RALGAPA1: variants seen among roughly 807,000 people sequenced by gnomAD.
The protein encoded by RALGAPA1 is Ral GTPase activating protein catalytic subunit alpha 1.
In RALGAPA1, 52 loss-of-function variants were observed where a neutral mutation model predicts 269.6. The observed-to-expected ratio is 0.19, with a 90% CI of 0.15 to 0.24. The LOEUF (loss-of-function observed/expected upper bound fraction) is 0.24. Among genes scored for constraint, RALGAPA1 ranks in the 10% least tolerant of loss-of-function variants. RALGAPA1 has a pLI of 1.00. For missense variants in RALGAPA1, 1,917 were observed against 3,013.9 expected, an observed-to-expected ratio of 0.64 and a Z score of 8.52; for synonymous variants, 817 against 1,008.3, an observed-to-expected ratio of 0.81 and a Z score of 3.60.
intron 12 of RALGAPA1, among the ~76,000 whole-genome samples, chr14:35,731,275 C>CA (rs1272204025): frequency 1.2e-4 from 19 of 152,108 alleles, no homozygotes; most frequent in African/African-American, 4.3e-4. Context: ...AGAGCCTACC[C>CA]AAATGAGAAG....
At chr14:35,717,241 C>T (rs1054676081) in intron 16 of RALGAPA1, among the ~76,000 whole-genome samples, 2 of 152,132 alleles carry the variant, frequency 1.3e-5, no homozygotes, top group Non-Finnish European at 2.9e-5. Flanking sequence ...ACCTCTGCCT[C>T]CCGGGTTCAA....
chr14:35,645,340 G>A (rs1034010981), intron 31 of RALGAPA1, among the ~76,000 whole-genome samples: 2 of 121,746 alleles, frequency 1.6e-5, no homozygotes, highest in Admixed American at 1.7e-4. Flanking sequence ...AGCAGATATA[G>A]AGATGGGTGT....
chr14:35,643,106 C>T (rs2062138070), intron 31 of RALGAPA1, among the ~76,000 whole-genome samples: 1 of 151,524 alleles, frequency 6.6e-6, no homozygotes, highest in African/African-American at 2.4e-5. Flanking sequence ...ACCGCAAGTT[C>T]TCATTCATAG....
At chr14:35,687,033 C>T (rs2065998767) in intron 18 of RALGAPA1, among the ~76,000 whole-genome samples, 1 of 152,098 alleles carries the variant, frequency 6.6e-6, no homozygotes, top group Non-Finnish European at 1.5e-5. Context: ...CCCCAAAGAA[C>T]GTTTGCAGGG....
At chr14:35,560,874 TG>T (rs2056146959) in intron 39 of RALGAPA1, among the ~76,000 whole-genome samples, 1 of 152,200 alleles carries the variant, frequency 6.6e-6, no homozygotes, top group Non-Finnish European at 1.5e-5. Context: ...TATTGCTTTT[TG>T]AAAGGACAAG....
intron 31 of RALGAPA1, among the ~76,000 whole-genome samples, chr14:35,649,892 G>T (rs1566920197): frequency 6.6e-6 from 1 of 152,080 alleles, no homozygotes; most frequent in Non-Finnish European, 1.5e-5. Context: ...ATAAATAAAT[G>T]TTTAATAAAT....
chr14:35,752,885 T>C (rs985207132), intron 7 of RALGAPA1, among the ~76,000 whole-genome samples: 1 of 152,192 alleles, frequency 6.6e-6, no homozygotes, highest in African/African-American at 2.4e-5. Context: ...GCCACATTTC[T>C]CATTGACAGG....
At chr14:35,569,249 A>T (rs374092693) in intron 39 of RALGAPA1, among the ~76,000 whole-genome samples, 1 of 152,330 alleles carries the variant, frequency 6.6e-6, no homozygotes, top group Non-Finnish European at 1.5e-5. Flanking sequence ...AGATATTTTT[A>T]AAAACTTTCC....
intron 26 of RALGAPA1, among the ~76,000 whole-genome samples, chr14:35,668,254 G>A (rs2064115447): frequency 6.6e-6 from 1 of 152,166 alleles, no homozygotes; most frequent in African/African-American, 2.4e-5. Context: ...AGGCTGAGGT[G>A]GGCAGATCAC....
chr14:35,777,943 A>G (rs2075158008), intron 1 of RALGAPA1, among the ~76,000 whole-genome samples: 1 of 152,250 alleles, frequency 6.6e-6, no homozygotes, highest in African/African-American at 2.4e-5. Context: ...AAAGGTAAAC[A>G]TCAATTAATT....
chr14:35,797,351 C>CAAAAA (rs530576211), intron 1 of RALGAPA1, among the ~76,000 whole-genome samples: 1 of 60,134 alleles, frequency 1.7e-5, no homozygotes, highest in Admixed American at 1.9e-4. Context: ...GACTCCGTCT[C>CAAAAA]AAAAAAAAAA....
chr14:35,689,201 T>A lies in RALGAPA1; in HGVS notation c.3210A>T (p.Glu1070Asp). Residue 1070 changes from glutamate (E) to aspartate (D), a missense_variant, in exon 18 of 42, where the codon GAA (glutamate) becomes GAT (aspartate). By Grantham distance (45) the Glu-to-Asp change is conservative. This residue lies in a region of RALGAPA1 where 615 missense variants were observed against 790.0 expected (regional missense o/e 0.78). Coordinates refer to ENST00000680220, the MANE Select transcript of RALGAPA1 (RefSeq NM_001346249.2). The part of the protein sequence containing the change: ...RKHLYRQAAT[E>D]LDACVDVTLV... ...GTGTTACATCAACACAAGCATCTAA[T>A]TCTGTGGCTGCTTGTCTGTACAGAT... The A allele has an allele frequency of 4.1e-6, 5 of 1,232,992 alleles. No homozygotes were observed. The highest frequency in any genetic ancestry group is 5.1e-6 in the Non-Finnish European group (5 of 988,614). The allele number at this position is 1,232,992 out of a possible 1,614,324, so 76.4% of individuals were successfully genotyped here.
intron 36 of RALGAPA1, among the ~76,000 whole-genome samples, chr14:35,596,016 T>C (rs2058911343): frequency 6.6e-6 from 1 of 152,094 alleles, no homozygotes; most frequent in African/African-American, 2.4e-5. Flanking sequence ...TATCAACTGC[T>C]GTGTACTATG....
In RALGAPA1 at chr14:35,728,090, G is replaced by C. The variant is rs555991749; in HGVS notation, c.1736+272C>G. ...TTCATTTACTCATATACATTTGTAT[G>C]CATGTATTCTTTCCTTAGGGGTTGA... is the stretch of plus-strand genomic sequence containing the variant. On this transcript the variant is annotated intron_variant, in intron 13 of 41. Transcript: ENST00000680220. Among the ~76,000 whole-genome samples the C allele has an allele frequency of 2.6e-4, 40 of 152,256 alleles. 1 individual carries two copies. Among genetic ancestry groups the C allele is most frequent in the Admixed American group, 2.4e-3 (36 of 15,294 alleles).
chr14:35,789,990 A>T (rs2076044599), intron 1 of RALGAPA1, among the ~76,000 whole-genome samples: 1 of 152,220 alleles, frequency 6.6e-6, no homozygotes, highest in Non-Finnish European at 1.5e-5. Flanking sequence ...GCAATGGTTC[A>T]TGCCTGTAAT....
At chr14:35,748,363 T>G in intron 10 of RALGAPA1, 2 of 339,802 alleles carry the variant, frequency 5.9e-6, no homozygotes. Context: ...TAATCAGTAA[T>G]TTCTCTCTCT....
intron 13 of RALGAPA1, among the ~76,000 whole-genome samples, chr14:35,727,556 T>G (rs924571124): frequency 9.2e-5 from 14 of 151,726 alleles, no homozygotes; most frequent in African/African-American, 3.4e-4. Flanking sequence ...TCCAATCAAT[T>G]AGACAACTAT....
intron 1 of RALGAPA1, among the ~76,000 whole-genome samples, chr14:35,785,722 T>C (rs761723406): frequency 7.9e-5 from 12 of 152,158 alleles, no homozygotes; most frequent in Non-Finnish European, 1.8e-4. Flanking sequence ...ATAAGACAAG[T>C]CCACTAATCA....
At chr14:35,804,148 G>GCTACT (rs2077180777) in intron 1 of RALGAPA1, among the ~76,000 whole-genome samples, 1 of 151,784 alleles carries the variant, frequency 6.6e-6, no homozygotes, top group South Asian at 2.1e-4. Flanking sequence ...TGTAATCCCA[G>GCTACT]CTACTTGGGA....
Sources: allele counts gnomAD v4.1 joint callset (sites outside exome capture counted in the v4.1 genomes callset), GRCh38; gene constraint gnomAD v4.1.1; regional missense constraint gnomAD v4.1.1; transcripts MANE v1.5; gene names NCBI Gene and HGNC (gene_info 2026-07-23, HGNC 2026-07-21).